The following FNBP1 variants were observed in gnomAD, a reference collection of about 807,000 sequenced individuals.
FNBP1 encodes the protein formin binding protein 1, also known as formin-binding protein 1.
FNBP1 carries 26 observed loss-of-function variants against 90.6 expected under a neutral mutation model. The observed-to-expected ratio is 0.29, with a 90% confidence interval of 0.21 to 0.40. The LOEUF is 0.40. FNBP1 is among the 10% of genes least tolerant of loss of function. The pLI, the probability that FNBP1 is intolerant of heterozygous loss-of-function variation, is 1.00. For synonymous variants in FNBP1, 260 were observed against 265.2 expected, an observed-to-expected ratio of 0.98 and a Z score of 0.19; for missense variants, 635 against 768.0, an observed-to-expected ratio of 0.83 and a Z score of 2.05.
chr9:129,965,343 T>C lies in FNBP1; in HGVS notation c.346-6790A>G, dbSNP rs73672526. On this transcript the variant is annotated intron_variant, in intron 4 of 16. Transcript: ENST00000446176. ...ATGAACGTGTTCGAAGTTTTCTAAA[T>C]GCCTACCTCTCAGAGGCATGCTCAG... Among the ~76,000 whole-genome samples the C allele has an allele frequency of 5.0e-3, 761 of 152,296 alleles. 8 individuals carry two copies. The highest frequency in any genetic ancestry group is 0.017 in the African/African-American group (720 of 41,570).
chr9:130,037,743 G>C (rs1313314426), intron 1 of FNBP1, among the ~76,000 whole-genome samples: 2 of 152,038 alleles, frequency 1.3e-5, no homozygotes, highest in African/African-American at 4.8e-5. Context: ...CTAAAAAATA[G>C]TCTATTTTCC....
chr9:129,991,814 C>G (rs1589123075), intron 2 of FNBP1, among the ~76,000 whole-genome samples: 2 of 152,196 alleles, frequency 1.3e-5, no homozygotes, highest in East Asian at 3.9e-4. Context: ...CGCCCGCCAC[C>G]ATTTCCAGCT....
At chr9:129,975,794 T>C (rs926906564) in intron 4 of FNBP1, among the ~76,000 whole-genome samples, 2 of 151,244 alleles carry the variant, frequency 1.3e-5, no homozygotes, top group Non-Finnish European at 2.9e-5. Flanking sequence ...TCCCAGCTAC[T>C]TGGGAGGCTG....
intron 1 of FNBP1, among the ~76,000 whole-genome samples, chr9:130,020,636 T>C (rs1180110382): frequency 6.6e-6 from 1 of 152,166 alleles, no homozygotes; most frequent in Non-Finnish European, 1.5e-5. Context: ...AACCAAAAGG[T>C]ACTAAGAATT....
At position 130,031,655 on chromosome 9, in the gene FNBP1, CT is replaced by C. The variant is rs1034893146; in HGVS notation, c.24+11296del. Reference sequence around the variant, plus strand: ...CTTAGTCCTTATTACACAATAATTTCTTTCTTTCTTTCTTTCTTTTTTTTGA... The same window carrying C: ...CTTAGTCCTTATTACACAATAATTTCTTCTTTCTTTCTTTCTTTTTTTTGA... On this transcript the variant is annotated intron_variant, in intron 1 of 16. Coordinates refer to ENST00000446176, the MANE Select transcript of FNBP1 (RefSeq NM_015033.3). The surrounding 1 kb of genome is among the most constrained non-coding windows in gnomAD (Gnocchi z 4.2). Among the ~76,000 whole-genome samples the C allele has an allele frequency of 2.2e-4, 33 of 151,812 alleles. No individual in the cohort carries two copies. The highest frequency in any genetic ancestry group is 3.4e-3 in the Middle Eastern group (1 of 294).
intron 4 of FNBP1, among the ~76,000 whole-genome samples, chr9:129,958,984 T>TTAAAAAAAAAAAAAAAAA (rs1334219802): frequency 2.1e-3 from 1 of 468 alleles, no homozygotes; most frequent in Non-Finnish European, 4.8e-3. Flanking sequence ...AAACTCTGCC[T>TTAAAAAAAAAAAAAAAAA]CAAAAAAAAA....
chr9:129,999,163 C>G (rs1312563456), intron 1 of FNBP1, among the ~76,000 whole-genome samples: 3 of 152,144 alleles, frequency 2.0e-5, no homozygotes, highest in Admixed American at 2.0e-4. Flanking sequence ...CTTAAAAGGA[C>G]TCCTTTGTGA....
At chr9:129,924,159 C>A in intron 9 of FNBP1, 133 bp from the exon 10 acceptor site, 2 of 852,704 alleles carry the variant, frequency 2.3e-6, no homozygotes, top group Non-Finnish European at 3.5e-6. Flanking sequence ...GGCCATGGTC[C>A]AAAAGAAAAC....
At chr9:129,912,946 G>A (rs113937713) in intron 11 of FNBP1, among the ~76,000 whole-genome samples, 378 of 152,248 alleles carry the variant, frequency 2.5e-3, no homozygotes, top group African/African-American at 8.5e-3. Flanking sequence ...GCGGTTGGGC[G>A]TGGTGGCTCA....
At chr9:129,948,894 T>A (rs2045755862) in intron 6 of FNBP1, among the ~76,000 whole-genome samples, 1 of 151,898 alleles carries the variant, frequency 6.6e-6, no homozygotes, top group Non-Finnish European at 1.5e-5. Context: ...GGGTTAAGAG[T>A]AACTACCTCT....
At chr9:130,049,716 T>TA in the FNBP1 span, among the ~76,000 whole-genome samples, 3 of 151,484 alleles carry the variant, frequency 2.0e-5, no homozygotes, top group Non-Finnish European at 4.4e-5. Flanking sequence ...AAAATAAAAA[T>TA]AAAAATAAAA....
chr9:130,015,058 A>G (rs999954683), intron 1 of FNBP1, among the ~76,000 whole-genome samples: 1 of 152,260 alleles, frequency 6.6e-6, no homozygotes, highest in Middle Eastern at 3.4e-3. Context: ...TAATATAATA[A>G]ATACTGTCAA....
intron 15 of FNBP1, 55 bp downstream of exon 15, chr9:129,899,906 GTAAC>G: frequency 7.2e-7 from 1 of 1,388,060 alleles, no homozygotes; most frequent in Non-Finnish European, 9.6e-7. Context: ...TGAAAGAAGA[GTAAC>G]TCAGATATTA....
chr9:130,040,237 T>C (rs2059700199), intron 1 of FNBP1, among the ~76,000 whole-genome samples: 1 of 152,174 alleles, frequency 6.6e-6, no homozygotes. Flanking sequence ...AGATTTTGCA[T>C]TTCTCTTAGT....
chr9:129,972,678 C>T (rs535915584), intron 4 of FNBP1, among the ~76,000 whole-genome samples: 2 of 151,746 alleles, frequency 1.3e-5, no homozygotes, highest in East Asian at 2.0e-4. Context: ...ATTACAGGCA[C>T]GCGCCACTGT....
intron 6 of FNBP1, among the ~76,000 whole-genome samples, chr9:129,951,040 C>A (rs796335986): frequency 1.3e-5 from 2 of 149,304 alleles, no homozygotes; most frequent in Middle Eastern, 3.5e-3. Context: ...CGTGCGATCT[C>A]GGCTCACTGC....
chr9:130,037,517 G>A (rs577312411), intron 1 of FNBP1, among the ~76,000 whole-genome samples: 20 of 151,966 alleles, frequency 1.3e-4, no homozygotes, highest in Non-Finnish European at 2.6e-4. Flanking sequence ...TTAAAATTTC[G>A]ACACACTAGG....
intron 1 of FNBP1, among the ~76,000 whole-genome samples, chr9:130,000,738 A>C (rs2054707376): frequency 6.6e-6 from 1 of 152,150 alleles, no homozygotes; most frequent in African/African-American, 2.4e-5. Flanking sequence ...TTGGCAACAA[A>C]CATTGCCAGC....
intron 12 of FNBP1, among the ~76,000 whole-genome samples, chr9:129,904,799 G>GCT (rs1378848973): frequency 3.3e-5 from 5 of 151,890 alleles, no homozygotes; most frequent in African/African-American, 1.2e-4. Context: ...TGTTACAATG[G>GCT]AAGCTCTTGG....
Sources: allele counts gnomAD v4.1 joint callset (sites outside exome capture counted in the v4.1 genomes callset), GRCh38; gene constraint gnomAD v4.1.1; non-coding constraint Gnocchi (gnomAD v3.1); transcripts MANE v1.5; gene names NCBI Gene and HGNC (gene_info 2026-07-23, HGNC 2026-07-21).